Variants in MFN2 observed in about 807,000 individuals in gnomAD.
The protein encoded by MFN2 is mitofusin 2.
A neutral mutation model predicts 87.5 loss-of-function variants in MFN2; 43 were observed. The observed-to-expected ratio is 0.49, with a 90% CI of 0.38 to 0.63. The LOEUF is 0.63. Among genes scored for constraint, MFN2 ranks in the 30% least tolerant of loss-of-function variants. The pLI, the probability that MFN2 is intolerant of heterozygous loss-of-function variation, is 0.00. For missense variants in MFN2, 743 were observed against 972.8 expected (o/e 0.76, Z 3.14); for synonymous variants, 337 against 359.9 (o/e 0.94, Z 0.72).
rs1483584973 is a variant in MFN2 at position 12,002,047 on chromosome 1, T to G, written c.1104T>G (p.Ile368Met). 1.2e-6 allele frequency: 2 copies of G among 1,614,208 alleles called. No individual in the cohort carries two copies. Among genetic ancestry groups the G allele is most frequent in the Admixed American group, 1.7e-5 (1 of 60,024 alleles). Residue 368 changes from isoleucine (I) to methionine (M), a missense_variant, in exon 11 of 19, where the codon ATT becomes ATG. Ile to Met is a conservative substitution (Grantham distance 10, BLOSUM62 1). Coordinates refer to ENST00000235329, the MANE Select transcript of MFN2 (RefSeq NM_014874.4). The stretch of plus-strand genomic sequence containing the variant: ...AGCACACGGTCCGGGCCAAGCAGAT[T>G]GCAGAGGCGGTTCGACTCATCATGG... Reference protein sequence around the residue: ...FEQHTVRAKQIAEAVRLIMDS... With the variant: ...FEQHTVRAKQMAEAVRLIMDS...
intron 2 of MFN2, among the ~76,000 whole-genome samples, chr1:11,985,799 T>A (rs1236690308): frequency 6.6e-6 from 1 of 152,144 alleles, no homozygotes; most frequent in East Asian, 1.9e-4. Flanking sequence ...TTTGGATGGC[T>A]TTCCTCTTGT....
intron 4 of MFN2, among the ~76,000 whole-genome samples, chr1:11,993,901 A>T (rs1259544101): frequency 6.6e-6 from 1 of 152,182 alleles, no homozygotes. Context: ...AGTGTAGCAA[A>T]AATAATGAAA....
chr1:12,006,937 G>T, intron 16 of MFN2, 116 bp from the exon 17 acceptor site: 1 of 1,394,480 alleles, frequency 7.2e-7, no homozygotes. Flanking sequence ...GGAACTCAGA[G>T]TAGAAACATG....
intron 2 of MFN2, among the ~76,000 whole-genome samples, chr1:11,986,415 C>A (rs1015223251): frequency 6.6e-6 from 1 of 152,042 alleles, no homozygotes; most frequent in African/African-American, 2.4e-5. Flanking sequence ...TGTGCACACA[C>A]CCCCTCATCC....
At chr1:12,011,175 T>A (rs1293994534) in intron 18 of MFN2, among the ~76,000 whole-genome samples, 1 of 152,144 alleles carries the variant, frequency 6.6e-6, no homozygotes, top group Non-Finnish European at 1.5e-5. Context: ...TGTCAGCACC[T>A]CAACCCCTTG....
chr1:12,005,889 C>A lies in MFN2; in HGVS notation c.1674C>A (p.Gly558=). 1 of 1,614,128 alleles carries A rather than the reference C, an allele frequency of 6.2e-7. No individual in the cohort carries two copies. The highest frequency in any genetic ancestry group is 8.5e-7 in the Non-Finnish European group (1 of 1,180,014). ...CCATGCTGGTGAATAGGTTCCTGGG[C>A]CCCAAGAACAGCCGTCGGGCCTTGA... The part of the protein sequence containing the change: ...GWTMLVNRFL[G]PKNSRRALMG... Residue 558 remains glycine, a synonymous_variant, in exon 15 of 19, where the codon GGC becomes GGA. Transcript: ENST00000235329.
At chr1:12,010,841 C>G (rs1291872317) in intron 18 of MFN2, among the ~76,000 whole-genome samples, 2 of 152,100 alleles carry the variant, frequency 1.3e-5, no homozygotes, top group Non-Finnish European at 2.9e-5. Context: ...CACGGGGACC[C>G]TGCAGAAGTC....
intron 8 of MFN2, among the ~76,000 whole-genome samples, chr1:12,000,262 G>A (rs7538748): frequency 1.1e-4 from 16 of 151,858 alleles, no homozygotes; most frequent in East Asian, 3.9e-4. Flanking sequence ...GCACAATCTC[G>A]GCTCACTGCA....
intron 4 of MFN2, among the ~76,000 whole-genome samples, chr1:11,992,901 T>G (rs1314696866): frequency 6.6e-6 from 1 of 151,388 alleles, no homozygotes; most frequent in Non-Finnish European, 1.5e-5. Flanking sequence ...CTCCCTGGGC[T>G]CAGGTGATCC....
chr1:11,986,187 TGGCATTTGGTC>T (rs1638397980), intron 2 of MFN2, among the ~76,000 whole-genome samples: 2 of 152,254 alleles, frequency 1.3e-5, no homozygotes, highest in African/African-American at 4.8e-5. Flanking sequence ...AAGTCCGTTT[TGGCATTTGGTC>T]TTCATGTACC....
rs367623682 is a variant in MFN2, at chr1:12,006,600, G to A, written c.1779G>A (p.Ser593=). The change falls in exon 16 of 19, where the codon TCG becomes TCA. Residue 593 remains serine (S), a synonymous_variant. Transcript: ENST00000235329. ...NPSMPPLPQG[S]LTQEEFMVSM... ...GCATGCCCCCACTGCCACAGGGCTC[G>A]CTCACCCAGGAGGAGTTCATGGTTT... is the stretch of plus-strand genomic sequence containing the variant. 171 of 1,614,178 alleles carry A rather than the reference G, an allele frequency of 1.1e-4. No individual in the cohort carries two copies. The East Asian group carries it at 2.4e-3, about 23-fold the overall frequency.
intron 3 of MFN2, among the ~76,000 whole-genome samples, chr1:11,990,076 C>T (rs992490524): frequency 6.6e-6 from 1 of 152,194 alleles, no homozygotes; most frequent in Non-Finnish European, 1.5e-5. Context: ...CAGGTGTGAA[C>T]AGTGGTTTCA....
At chr1:11,986,546 G>A (rs925882617) in intron 2 of MFN2, among the ~76,000 whole-genome samples, 1 of 151,650 alleles carries the variant, frequency 6.6e-6, no homozygotes, top group Non-Finnish European at 1.5e-5. Context: ...GGAATTCCCA[G>A]TCTTACCCTG....
chr1:11,996,746 A>G (rs1298914897), intron 5 of MFN2, among the ~76,000 whole-genome samples: 1 of 152,176 alleles, frequency 6.6e-6, no homozygotes, highest in East Asian at 1.9e-4. Context: ...TGCTTCATAA[A>G]GAATCAATTG....
In MFN2 at chr1:12,007,125, C is replaced by T. The variant is rs778909367; in HGVS notation, c.1945C>T (p.Arg649Cys). ...GLYGLLYVYE[R>C]LTWTTKAKER... is the part of the protein sequence containing the mutation. Reference sequence around the variant, plus strand: ...CTATGGCCTCCTCTACGTCTATGAGCGTCTGACCTGGACCACCAAGGCCAA... The same window carrying T: ...CTATGGCCTCCTCTACGTCTATGAGTGTCTGACCTGGACCACCAAGGCCAA... The change falls in exon 17 of 19, where the codon CGT (arginine) becomes TGT (cysteine). Residue 649 changes from arginine to cysteine, a missense_variant. Arg to Cys is a radical substitution (Grantham distance 180). Transcript: ENST00000235329. The T allele has an allele frequency of 7.4e-6, 12 of 1,614,202 alleles. No individual in the cohort carries two copies. Among genetic ancestry groups the T allele is most frequent in the South Asian group, 1.1e-5 (1 of 91,080 alleles).
Position 11,997,879 on chromosome 1 carries a change from C to CTT in MFN2, c.599+479_599+480dup, listed in dbSNP as rs768355266. Among the ~76,000 whole-genome samples the CTT allele has an allele frequency of 8.3e-3, 800 of 95,848 alleles. 79 individuals carry two copies. The highest frequency in any genetic ancestry group is 0.023 in the African/African-American group (541 of 23,852). 62.9% of individuals were successfully genotyped at this position (95,848 alleles called of 152,430 possible). ...CAACTTCACCTTAATTGTATATCAT[C>CTT]TTTTTTTTTTTTTTTTTTTTTTGAG... On this transcript the variant is annotated intron_variant, in intron 6 of 18. Transcript: ENST00000235329.
At chr1:12,007,026 A>AC in intron 16 of MFN2, 27 bp from the exon 17 acceptor site, 6 of 1,612,190 alleles carry the variant, frequency 3.7e-6, no homozygotes, top group Non-Finnish European at 5.1e-6. Context: ...GAGAGGCTGC[A>AC]CTCCAGGCTG....
intron 10 of MFN2, 31 bp from the exon 11 acceptor site, chr1:12,001,951 C>T (rs760473866): frequency 2.5e-6 from 4 of 1,614,022 alleles, no homozygotes; most frequent in East Asian, 2.2e-5. Context: ...CTGGTGGCCC[C>T]CACCTCCCTC....
At position 11,989,214 on chromosome 1, in the gene MFN2, A is replaced by C. The variant is rs748233037; in HGVS notation, c.46A>C (p.Lys16Gln). ...ATGCAACTCTATCGTCACAGTCAAG[A>C]AAAATAAGAGACACATGGCTGAGGT... Reference protein sequence around the residue: ...SRCNSIVTVKKNKRHMAEVNA... With the variant: ...SRCNSIVTVKQNKRHMAEVNA... The change falls in exon 3 of 19, where the codon AAA becomes CAA. Residue 16 changes from lysine to glutamine, a missense_variant. By Grantham distance (53) the Lys-to-Gln change is moderately conservative. Around this residue, in one of 3 missense-constraint regions of MFN2, gnomAD observed 31 missense variants for 23.2 expected, o/e 1.33. Coordinates refer to ENST00000235329, the MANE Select transcript of MFN2 (RefSeq NM_014874.4). The C allele has an allele frequency of 5.0e-6, 8 of 1,614,086 alleles. No individual in the cohort carries two copies. The highest frequency in any genetic ancestry group is 6.8e-6 in the Non-Finnish European group (8 of 1,180,022).
Sources: allele counts gnomAD v4.1 joint callset (sites outside exome capture counted in the v4.1 genomes callset), GRCh38; gene constraint gnomAD v4.1.1; regional missense constraint gnomAD v4.1.1; transcripts MANE v1.5; gene names NCBI Gene and HGNC (gene_info 2026-07-23, HGNC 2026-07-21).